Variants in CACNA1I observed in about 807,000 individuals in gnomAD.
The protein encoded by CACNA1I is voltage-dependent T-type calcium channel subunit alpha-1I.
A neutral mutation model predicts 201.6 loss-of-function variants in CACNA1I; 74 were observed. The observed-to-expected ratio is 0.37, with a 90% CI of 0.30 to 0.45. The LOEUF (loss-of-function observed/expected upper bound fraction) is 0.45, where lower values mean the gene tolerates loss of function less well. Among genes scored for constraint, CACNA1I ranks in the 20% least tolerant of loss-of-function variants. The pLI is 1.00. For synonymous variants in CACNA1I, 1,431 were observed against 1,345.2 expected (o/e 1.06, Z -1.40); for missense variants, 2,346 against 3,138.1 (o/e 0.75, Z 6.03).
At chr22:39,625,658 C>A (rs970080234) in intron 4 of CACNA1I, among the ~76,000 whole-genome samples, 4 of 152,134 alleles carry the variant, frequency 2.6e-5, no homozygotes, top group South Asian at 2.1e-4. Context: ...GGCCACTCAG[C>A]CTCTGATGGA....
At chr22:39,605,723 G>T (rs1419122658) in intron 3 of CACNA1I, among the ~76,000 whole-genome samples, 2 of 152,186 alleles carry the variant, frequency 1.3e-5, no homozygotes, top group Non-Finnish European at 2.9e-5. Context: ...TGATTGGGGG[G>T]TGTCACTGTA....
In CACNA1I at chr22:39,670,183, G is replaced by T; in HGVS notation, c.4340G>T (p.Arg1447Leu). 8.1e-6 allele frequency: 13 copies of T among 1,613,956 alleles called. No homozygotes were observed. Among genetic ancestry groups the T allele is most frequent in the Non-Finnish European group, 1.1e-5 (13 of 1,179,874 alleles). Residue 1447 changes from arginine to leucine, a missense_variant, in exon 25 of 37, where the codon CGG becomes CTG. Arg to Leu is a moderately radical substitution (Grantham distance 102). Transcript: ENST00000402142. ...CRQHQEAEEARRREEKRLRRL... is the reference protein window; with the variant it reads ...CRQHQEAEEALRREEKRLRRL... ...CAGCACCAGGAGGCTGAAGAGGCAC[G>T]GCGGCGTGAGGAGAAGCGGCTGCGG...
intron 4 of CACNA1I, among the ~76,000 whole-genome samples, chr22:39,625,233 G>A (rs1049380287): frequency 2.0e-5 from 3 of 152,164 alleles, no homozygotes; most frequent in African/African-American, 4.8e-5. Context: ...ACAGTAGCCC[G>A]TAGCTTTTAG....
intron 27 of CACNA1I, among the ~76,000 whole-genome samples, chr22:39,672,524 G>A (rs2146466861): frequency 6.6e-6 from 1 of 152,266 alleles, no homozygotes; most frequent in Non-Finnish European, 1.5e-5. Flanking sequence ...GGCCCTTCTT[G>A]GCTCATCTTT....
intron 3 of CACNA1I, among the ~76,000 whole-genome samples, chr22:39,615,191 C>A (rs953252962): frequency 2.6e-5 from 4 of 152,154 alleles, no homozygotes; most frequent in African/African-American, 9.7e-5. Flanking sequence ...TCCCAGGTGG[C>A]CCTCAGCAAA....
At chr22:39,625,127 C>T (rs980115461) in intron 4 of CACNA1I, among the ~76,000 whole-genome samples, 3 of 151,972 alleles carry the variant, frequency 2.0e-5, no homozygotes, top group African/African-American at 7.3e-5. Flanking sequence ...AGGCTGGTCT[C>T]CAACTCCTGA....
intron 2 of CACNA1I, among the ~76,000 whole-genome samples, chr22:39,599,344 G>A (rs529057099): frequency 6.8e-6 from 1 of 146,692 alleles, no homozygotes; most frequent in African/African-American, 2.5e-5. Context: ...CCCTGGCCGG[G>A]CGCGGTGGCT....
chr22:39,623,369 C>T (rs1300159502), intron 4 of CACNA1I, among the ~76,000 whole-genome samples: 1 of 151,602 alleles, frequency 6.6e-6, no homozygotes, highest in African/African-American at 2.4e-5. Flanking sequence ...GATGTGTGTG[C>T]ACAAGTGAGC....
chr22:39,665,719 A>C lies in CACNA1I; in HGVS notation c.3978+95A>C. ...GGGAGAGACTCCACATTCCAACCTC[A>C]TGCGCCTTGCCAGCTGTGGGCTTCT... On this transcript the variant is annotated intron_variant, in intron 22 of 36. Transcript: ENST00000402142. This position sits in a 1 kb window ranked among gnomAD's most constrained non-coding sequence, Gnocchi z 5.5. 1 of 1,555,336 alleles carries C rather than the reference A, an allele frequency of 6.4e-7. No homozygotes were observed. Among genetic ancestry groups the C allele is most frequent in the Non-Finnish European group, 8.8e-7 (1 of 1,139,632 alleles).
Position 39,670,200 on chromosome 22 carries a change from C to T in CACNA1I, c.4357C>T (p.Arg1453Trp), listed in dbSNP as rs1410523453. 13 of 1,613,458 alleles carry T rather than the reference C, an allele frequency of 8.1e-6. No homozygotes were observed. Among genetic ancestry groups the T allele is most frequent in the Middle Eastern group, 1.7e-4 (1 of 5,990 alleles). The change falls in exon 25 of 37, where the codon CGG (arginine) becomes TGG (tryptophan). Residue 1453 changes from arginine to tryptophan, a missense_variant. Arg to Trp is a moderately radical substitution (Grantham distance 101). Coordinates refer to ENST00000402142, the MANE Select transcript of CACNA1I (RefSeq NM_021096.4). ...AEEARRREEK[R>W]LRRLEKKRRK... Reference sequence around the variant, plus strand: ...AGAGGCACGGCGGCGTGAGGAGAAGCGGCTGCGGCGCCTGGAGAAGAAGCG... The same window carrying T: ...AGAGGCACGGCGGCGTGAGGAGAAGTGGCTGCGGCGCCTGGAGAAGAAGCG...
chr22:39,658,578 G>A (rs1934899027), intron 11 of CACNA1I, among the ~76,000 whole-genome samples: 1 of 152,262 alleles, frequency 6.6e-6, no homozygotes, highest in African/African-American at 2.4e-5. Context: ...GTGACGTGAA[G>A]ACACCAGTTA....
At position 39,672,931 on chromosome 22, in the gene CACNA1I, C is replaced by G; in HGVS notation, c.4650-18C>G. The G allele has an allele frequency of 6.2e-7, 1 of 1,608,198 alleles. No individual in the cohort carries two copies. Among genetic ancestry groups the G allele is most frequent in the Non-Finnish European group, 8.5e-7 (1 of 1,176,880 alleles). On this transcript the variant is annotated intron_variant, in intron 27 of 36. Transcript: ENST00000402142. ...CCTCCTCATGCCCACTCCTGCCCTC[C>G]CATGCACGGCTGAGCAGATGGAACC...
rs1279851058 is a variant in CACNA1I at position 39,649,809 on chromosome 22, T to C, written c.1876T>C (p.Trp626Arg). The C allele has an allele frequency of 3.1e-6, 5 of 1,611,032 alleles. No individual in the cohort carries two copies. The highest frequency in any genetic ancestry group is 2.2e-5 in the East Asian group (1 of 44,774). Residue 626 changes from tryptophan (W) to arginine (R), a missense_variant, in exon 10 of 37, where the codon TGG becomes CGG. Around this residue, in one of 13 missense-constraint regions of CACNA1I, gnomAD observed 312 missense variants for 331.5 expected, o/e 0.94. Transcript: ENST00000402142. This position sits in a 1 kb window ranked among gnomAD's most constrained non-coding sequence, Gnocchi z 7.3. ...GGCGGTCTGGCTGTGCGGGGATGTGTGGCGGGAGACGCGAGCCAAGCTGCG... is the reference window on the plus strand; with the variant it reads ...GGCGGTCTGGCTGTGCGGGGATGTGCGGCGGGAGACGCGAGCCAAGCTGCG... ...DGAVWLCGDV[W>R]RETRAKLRGI...
intron 3 of CACNA1I, among the ~76,000 whole-genome samples, chr22:39,605,680 G>T (rs754371956): frequency 1.3e-5 from 2 of 152,188 alleles, no homozygotes; most frequent in Non-Finnish European, 2.9e-5. Context: ...GAAGCATAGA[G>T]AGCCATCAGG....
chr22:39,612,420 A>G (rs757538110), intron 3 of CACNA1I, among the ~76,000 whole-genome samples: 1 of 152,202 alleles, frequency 6.6e-6, no homozygotes, highest in Non-Finnish European at 1.5e-5. Flanking sequence ...ACAAAATACC[A>G]TAAACCGGGT....
At chr22:39,582,893 A>G (rs1334164629) in intron 1 of CACNA1I, among the ~76,000 whole-genome samples, 1 of 134,854 alleles carries the variant, frequency 7.4e-6, no homozygotes, top group Non-Finnish European at 1.6e-5. Flanking sequence ...TCCATCCATT[A>G]ATCTATCTAA....
intron 3 of CACNA1I, 70 bp downstream of exon 3, chr22:39,600,723 T>G: frequency 6.8e-7 from 1 of 1,481,074 alleles, no homozygotes; most frequent in African/African-American, 1.4e-5. Context: ...AATCCAGGGC[T>G]TCTTGCTGAT....
At chr22:39,573,899 G>C (rs1367332444) in intron 1 of CACNA1I, among the ~76,000 whole-genome samples, 1 of 152,138 alleles carries the variant, frequency 6.6e-6, no homozygotes, top group Non-Finnish European at 1.5e-5. Context: ...CCAAGGGGTG[G>C]GGCAGAAAGC....
chr22:39,615,028 T>C (rs1297113272), intron 3 of CACNA1I, among the ~76,000 whole-genome samples: 1 of 152,266 alleles, frequency 6.6e-6, no homozygotes, highest in Non-Finnish European at 1.5e-5. Context: ...TTCTCACTCC[T>C]GTAAGCGATG....
Sources: allele counts gnomAD v4.1 joint callset (sites outside exome capture counted in the v4.1 genomes callset), GRCh38; gene constraint gnomAD v4.1.1; regional missense constraint gnomAD v4.1.1; non-coding constraint Gnocchi (gnomAD v3.1); transcripts MANE v1.5; gene names NCBI Gene and HGNC (gene_info 2026-07-23, HGNC 2026-07-21).